The following THADA variants were observed in gnomAD, a reference collection of about 807,000 sequenced individuals.
THADA encodes the protein THADA armadillo repeat containing, also known as tRNA (32-2'-O)-methyltransferase regulator THADA.
A neutral mutation model predicts 219.8 loss-of-function variants in THADA; 213 were observed. The ratio of observed to expected loss-of-function variants is 0.97; its 90% CI spans 0.87 to 1.09. The LOEUF (loss-of-function observed/expected upper bound fraction) is 1.09. Among genes scored for constraint, THADA ranks in the 50% least tolerant of loss-of-function variants. The pLI is 0.00. For missense variants in THADA, 2,956 were observed against 2,311.3 expected (o/e 1.28, Z -5.72); for synonymous variants, 1,018 against 828.9 (o/e 1.23, Z -3.92).
chr2:43,550,829 A>T (rs1175890382), intron 19 of THADA, among the ~76,000 whole-genome samples: 1 of 152,220 alleles, frequency 6.6e-6, no homozygotes, highest in Admixed American at 6.5e-5. Flanking sequence ...CTAAAGCGAC[A>T]AAATTTAGTA....
intron 7 of THADA, 31 bp from the exon 8 acceptor site, chr2:43,581,959 G>A: frequency 3.3e-5 from 48 of 1,443,652 alleles, no homozygotes; most frequent in South Asian, 1.3e-4. Context: ...TATTACAAAA[G>A]GAAATTCAAA....
intron 26 of THADA, among the ~76,000 whole-genome samples, chr2:43,448,832 G>C (rs1466407939): frequency 6.6e-6 from 1 of 152,088 alleles, no homozygotes; most frequent in Non-Finnish European, 1.5e-5. Context: ...CCCTGAGAAA[G>C]AGGGAGAACC....
chr2:43,467,181 CAAAAAAAAAA>C (rs70963399), intron 26 of THADA, among the ~76,000 whole-genome samples: 849 of 58,442 alleles, frequency 0.015, 15 homozygotes, highest in African/African-American at 0.047. Flanking sequence ...GACTCCGTCT[CAAAAAAAAAA>C]AAAAAAAAAA....
intron 17 of THADA, 156 bp downstream of exon 17, chr2:43,556,189 T>A: frequency 6.4e-6 from 9 of 1,399,082 alleles, no homozygotes; most frequent in Non-Finnish European, 8.5e-6. Flanking sequence ...CTGACTAAAA[T>A]GTTCATTTGC....
intron 15 of THADA, chr2:43,562,139 G>A (rs185989114): frequency 1.3e-5 from 2 of 152,032 alleles, no homozygotes; most frequent in Non-Finnish European, 1.5e-5. Context: ...TGTTGGATTT[G>A]GTTTGCTAGT....
chr2:43,442,082 T>G (rs903146563), intron 26 of THADA, among the ~76,000 whole-genome samples: 2 of 152,178 alleles, frequency 1.3e-5, no homozygotes, highest in Non-Finnish European at 2.9e-5. Flanking sequence ...AATAAGAGTT[T>G]GGAGTTGGAA....
intron 4 of THADA, among the ~76,000 whole-genome samples, 198 bp downstream of exon 4, chr2:43,590,626 C>A (rs1467929558): frequency 4.2e-5 from 5 of 118,894 alleles, no homozygotes; most frequent in Non-Finnish European, 8.1e-5. Context: ...GCCTGGGCGA[C>A]AGAGCTAGAC....
At chr2:43,456,702 A>T (rs1401027558) in intron 26 of THADA, among the ~76,000 whole-genome samples, 2 of 152,300 alleles carry the variant, frequency 1.3e-5, no homozygotes, top group East Asian at 3.9e-4. Flanking sequence ...TACCTTCTGA[A>T]CAAATTACAC....
chr2:43,578,447 A>G lies in THADA; in HGVS notation c.816+66T>C, dbSNP rs971989576. 2.9e-6 allele frequency: 4 copies of G among 1,381,326 alleles called. No individual in the cohort carries two copies. The African/African-American group carries it at 5.8e-5, about 20-fold the overall frequency. 85.6% of individuals were successfully genotyped at this position (1,381,326 alleles called of 1,614,324 possible). ...TAAGTGTGAGCCACTGCACCAAGCCAAAATTATTTTTTAAACATACCCTAA... is the reference window on the plus strand; with the variant it reads ...TAAGTGTGAGCCACTGCACCAAGCCGAAATTATTTTTTAAACATACCCTAA... On this transcript the variant is annotated intron_variant, in intron 9 of 37. Transcript: ENST00000405975.
chr2:43,424,123 A>G (rs1362407342), intron 28 of THADA, among the ~76,000 whole-genome samples: 1 of 152,218 alleles, frequency 6.6e-6, no homozygotes, highest in Non-Finnish European at 1.5e-5. Context: ...CTGTCCCAAG[A>G]GGATGCAACA....
intron 26 of THADA, among the ~76,000 whole-genome samples, chr2:43,471,637 C>T (rs1035292912): frequency 5.9e-5 from 9 of 152,190 alleles, no homozygotes; most frequent in African/African-American, 1.9e-4. Flanking sequence ...CAAGCATTTC[C>T]TAATATATAG....
chr2:43,553,657 T>G (rs762805850), intron 17 of THADA, among the ~76,000 whole-genome samples: 3 of 152,232 alleles, frequency 2.0e-5, no homozygotes, highest in Non-Finnish European at 4.4e-5. Context: ...CAGGGTCACA[T>G]GGTAACTCTA....
At chr2:43,356,142 A>T (rs1035587454) in intron 29 of THADA, among the ~76,000 whole-genome samples, 1 of 152,184 alleles carries the variant, frequency 6.6e-6, no homozygotes, top group Non-Finnish European at 1.5e-5. Context: ...CGTGGAAGCT[A>T]AGTAGATGAT....
At chr2:43,578,125 T>G (rs1268758343) in intron 9 of THADA, among the ~76,000 whole-genome samples, 5 of 152,002 alleles carry the variant, frequency 3.3e-5, no homozygotes, top group African/African-American at 1.2e-4. Context: ...AAAAAATTAT[T>G]TTAATTCACT....
intron 36 of THADA, among the ~76,000 whole-genome samples, chr2:43,246,274 C>T (rs1402463017): frequency 6.6e-6 from 1 of 152,160 alleles, no homozygotes; most frequent in Non-Finnish European, 1.5e-5. Context: ...GCAGGCGGAT[C>T]ACTTGAGGTC....
intron 16 of THADA, among the ~76,000 whole-genome samples, 173 bp from the exon 17 acceptor site, chr2:43,556,728 C>T (rs1697397671): frequency 6.6e-6 from 1 of 152,034 alleles, no homozygotes; most frequent in South Asian, 2.1e-4. Flanking sequence ...AGCTCAAGAT[C>T]AGCCAAGACA....
intron 31 of THADA, among the ~76,000 whole-genome samples, chr2:43,308,691 GACCCTGTCTCTAGAAACGAAGAAAGAAA>G: frequency 7.4e-6 from 1 of 134,348 alleles, no homozygotes; most frequent in Middle Eastern, 5.5e-3. Context: ...GACAGTGCAA[GACCCTGTCTCTAGAAACGAAGAAAGAAA>G]CAAACAAAAA....
intron 16 of THADA, among the ~76,000 whole-genome samples, chr2:43,556,836 G>A (rs1697416038): frequency 6.6e-6 from 1 of 152,132 alleles, no homozygotes; most frequent in Non-Finnish European, 1.5e-5. Flanking sequence ...AGGCCAAGAT[G>A]GGAGGATCAC....
chr2:43,287,566 G>C (rs1196808442), intron 34 of THADA, among the ~76,000 whole-genome samples: 8 of 152,164 alleles, frequency 5.3e-5, no homozygotes, highest in Non-Finnish European at 1.0e-4. Context: ...CAAAGTGCTG[G>C]CATTACAGAC....
Sources: allele counts gnomAD v4.1 joint callset (sites outside exome capture counted in the v4.1 genomes callset), GRCh38; gene constraint gnomAD v4.1.1; transcripts MANE v1.5; gene names NCBI Gene and HGNC (gene_info 2026-07-23, HGNC 2026-07-21).